CLIC5: variants seen among roughly 807,000 people sequenced by gnomAD.
The protein encoded by CLIC5 is CLIC family member 5.
A neutral mutation model predicts 24.7 loss-of-function variants in CLIC5; 20 were observed. That is an observed-to-expected ratio of 0.81 (90% CI 0.57 to 1.18). The LOEUF (loss-of-function observed/expected upper bound fraction) is 1.18. Ranked by LOEUF, CLIC5 falls within the 50% of genes most tolerant of loss-of-function variation. CLIC5 has a pLI of 0.00. For missense variants in CLIC5, 341 were observed against 326.1 expected (o/e 1.05, Z -0.35); for synonymous variants, 159 against 135.6 (o/e 1.17, Z -1.20).
chr6:45,994,289 A>T (rs759350103), intron 1 of CLIC5, among the ~76,000 whole-genome samples: 1 of 152,202 alleles, frequency 6.6e-6, no homozygotes, highest in Non-Finnish European at 1.5e-5. Context: ...GTACATATAC[A>T]CCATGGAATA....
At chr6:46,044,246 T>G (rs73462598) in intron 1 of CLIC5, among the ~76,000 whole-genome samples, 2,049 of 152,190 alleles carry the variant, frequency 0.013, 53 homozygotes, top group African/African-American at 0.047. Context: ...TTTTGACTAA[T>G]AAAAAAGGAA....
intron 1 of CLIC5, among the ~76,000 whole-genome samples, chr6:45,967,627 G>A (rs1765060178): frequency 6.6e-6 from 1 of 152,180 alleles, no homozygotes; most frequent in South Asian, 2.1e-4. Flanking sequence ...ACCTGAGACT[G>A]GGTAATTTAT....
chr6:46,051,735 T>A (rs1358833968), intron 1 of CLIC5, among the ~76,000 whole-genome samples: 2 of 152,228 alleles, frequency 1.3e-5, no homozygotes, highest in African/African-American at 4.8e-5. Context: ...TAAAATACCA[T>A]CTCATATATT....
intron 1 of CLIC5, among the ~76,000 whole-genome samples, chr6:46,008,682 C>A (rs542333294): frequency 9.2e-5 from 14 of 152,082 alleles, no homozygotes; most frequent in Admixed American, 7.9e-4. Context: ...TCATGCATTG[C>A]CATTTAAAAT....
At chr6:45,977,907 A>T (rs1271997779) in intron 1 of CLIC5, among the ~76,000 whole-genome samples, 1 of 152,194 alleles carries the variant, frequency 6.6e-6, no homozygotes, top group Non-Finnish European at 1.5e-5. Flanking sequence ...GGTGCAAGGG[A>T]TGCCCAGTGG....
chr6:45,973,502 T>G (rs1765271602), intron 1 of CLIC5, among the ~76,000 whole-genome samples: 1 of 129,352 alleles, frequency 7.7e-6, no homozygotes, highest in Non-Finnish European at 1.8e-5. Flanking sequence ...TGTGGGTGTT[T>G]TTGTTTGTTT....
intron 1 of CLIC5, among the ~76,000 whole-genome samples, chr6:46,027,441 G>GTCTAA (rs1158331502): frequency 6.6e-6 from 1 of 152,090 alleles, no homozygotes; most frequent in Admixed American, 6.6e-5. Context: ...TCCCTATGGG[G>GTCTAA]TCTACACTGT....
intron 3 of CLIC5, among the ~76,000 whole-genome samples, chr6:45,943,875 C>G (rs1325890896): frequency 6.6e-6 from 1 of 152,118 alleles, no homozygotes; most frequent in Non-Finnish European, 1.5e-5. Flanking sequence ...GAGCTTTGTT[C>G]TTGTGGGAAG....
intron 1 of CLIC5, among the ~76,000 whole-genome samples, chr6:45,963,726 C>T (rs1201439329): frequency 6.6e-6 from 1 of 152,142 alleles, no homozygotes; most frequent in Non-Finnish European, 1.5e-5. Flanking sequence ...TTGCTTGGCT[C>T]AAGTCTCCCT....
At chr6:46,040,510 G>C (rs1296379180) in intron 1 of CLIC5, among the ~76,000 whole-genome samples, 1 of 152,036 alleles carries the variant, frequency 6.6e-6, no homozygotes, top group African/African-American at 2.4e-5. Context: ...TGATGATGAT[G>C]GTGGTGAATG....
intron 6 of CLIC5, among the ~76,000 whole-genome samples, chr6:45,891,858 TATAA>T (rs1317457484): frequency 2.0e-5 from 3 of 152,152 alleles, no homozygotes; most frequent in Admixed American, 6.5e-5. Context: ...AATTAAAAAA[TATAA>T]ATAAATAAAT....
At chr6:45,916,112 A>G (rs556624446) in intron 4 of CLIC5, among the ~76,000 whole-genome samples, 28 of 152,322 alleles carry the variant, frequency 1.8e-4, no homozygotes, top group Admixed American at 1.0e-3. Flanking sequence ...CTTTTGTTTG[A>G]GACAATGGAA....
chr6:46,106,015 G>C, the CLIC5 span, among the ~76,000 whole-genome samples: 1 of 152,214 alleles, frequency 6.6e-6, no homozygotes, highest in African/African-American at 2.4e-5. Context: ...AATGATTCTG[G>C]GTTGCCCACC....
intron 5 of CLIC5, chr6:45,911,540 T>G (rs1234313996): frequency 1.1e-6 from 1 of 903,302 alleles, no homozygotes; most frequent in Non-Finnish European, 1.3e-6. Context: ...TTTATCAGAG[T>G]GGATGAAAAG....
intron 5 of CLIC5, among the ~76,000 whole-genome samples, chr6:45,907,934 A>G (rs1204516360): frequency 6.6e-6 from 1 of 152,112 alleles, no homozygotes; most frequent in African/African-American, 2.4e-5. Context: ...CTGGACTTCC[A>G]CTATGATGTT....
At chr6:46,100,176 C>T in the CLIC5 span, among the ~76,000 whole-genome samples, 47 of 152,258 alleles carry the variant, frequency 3.1e-4, no homozygotes, top group Admixed American at 2.6e-4. Flanking sequence ...ATTCATCATC[C>T]GCCTTTGACC....
intron 4 of CLIC5, among the ~76,000 whole-genome samples, chr6:45,929,671 C>G (rs992171659): frequency 3.9e-5 from 6 of 152,292 alleles, no homozygotes; most frequent in African/African-American, 1.4e-4. Context: ...CCTGACCACC[C>G]AGGAGCCTTC....
At chr6:46,054,962 G>A (rs918928107) in intron 1 of CLIC5, among the ~76,000 whole-genome samples, 4 of 152,142 alleles carry the variant, frequency 2.6e-5, no homozygotes, top group Admixed American at 6.5e-5. Context: ...CTTCACAAAG[G>A]GTCCTTTTTT....
At chr6:45,955,090 G>T (rs1299204668) in intron 2 of CLIC5, 45 bp downstream of exon 2, 3 of 1,447,090 alleles carry the variant, frequency 2.1e-6, no homozygotes, top group Middle Eastern at 3.5e-4. Context: ...AAGGTTCTCT[G>T]TTCATGCAGC....
Sources: gnomAD v4.1 joint callset for allele counts (sites outside exome capture counted in the v4.1 genomes callset) on GRCh38, gnomAD v4.1.1 for gene constraint, MANE v1.5 for transcripts, NCBI Gene and HGNC (gene_info 2026-07-23, HGNC 2026-07-21) for gene names.